Variants in AOPEP observed in about 807,000 individuals in gnomAD.
AOPEP encodes aminopeptidase O (putative).
AOPEP carries 77 observed loss-of-function variants against 98.1 expected under a neutral mutation model. That is an observed-to-expected ratio of 0.78 (90% CI 0.65 to 0.95). The LOEUF (loss-of-function observed/expected upper bound fraction) is 0.95. AOPEP is among the 40% of genes least tolerant of loss of function. AOPEP has a pLI of 0.00. For missense variants in AOPEP, 1,024 were observed against 1,024.7 expected (o/e 1.00, Z 0.01); for synonymous variants, 346 against 365.3 (o/e 0.95, Z 0.60).
At chr9:94,847,944 G>A (rs185484009) in intron 5 of AOPEP, among the ~76,000 whole-genome samples, 1 of 152,246 alleles carries the variant, frequency 6.6e-6, no homozygotes, top group African/African-American at 2.4e-5. Flanking sequence ...AGAAATCTTG[G>A]CGATAAACCA....
chr9:94,888,294 C>CATGT (rs369464833), intron 5 of AOPEP, among the ~76,000 whole-genome samples: 1 of 137,590 alleles, frequency 7.3e-6, no homozygotes, highest in African/African-American at 2.7e-5. Flanking sequence ...AGAACCTTAC[C>CATGT]GTGTGTGTGT....
At chr9:95,140,242 G>A in the AOPEP span, among the ~76,000 whole-genome samples, 1 of 152,052 alleles carries the variant, frequency 6.6e-6, no homozygotes, top group African/African-American at 2.4e-5. Flanking sequence ...GATTTACAGT[G>A]ACAGCGTCTG....
At chr9:95,105,448 TAAAA>T in the AOPEP span, among the ~76,000 whole-genome samples, 2 of 152,194 alleles carry the variant, frequency 1.3e-5, no homozygotes, top group Non-Finnish European at 2.9e-5. Flanking sequence ...ACAAATAAAA[TAAAA>T]AATAAAACAA....
At chr9:95,042,971 G>A (rs2065466513) in intron 13 of AOPEP, among the ~76,000 whole-genome samples, 1 of 152,106 alleles carries the variant, frequency 6.6e-6, no homozygotes, top group African/African-American at 2.4e-5. Flanking sequence ...ACAGAGTGTA[G>A]TATTAGGTAG....
At chr9:95,134,922 A>T in the AOPEP span, among the ~76,000 whole-genome samples, 2 of 152,028 alleles carry the variant, frequency 1.3e-5, no homozygotes, top group Non-Finnish European at 2.9e-5. Flanking sequence ...TGCTTTAACC[A>T]TTTTTCTGGG....
chr9:94,832,398 C>A (rs887450009), intron 5 of AOPEP, among the ~76,000 whole-genome samples: 2 of 152,166 alleles, frequency 1.3e-5, no homozygotes, highest in Non-Finnish European at 2.9e-5. Context: ...TGGCAGACAT[C>A]CAAGAGTTTG....
At chr9:94,748,872 A>G (rs1835087679) in intron 1 of AOPEP, among the ~76,000 whole-genome samples, 1 of 152,338 alleles carries the variant, frequency 6.6e-6, no homozygotes, top group African/African-American at 2.4e-5. Flanking sequence ...GAGGATAATG[A>G]TAACAATATG....
chr9:94,926,738 G>A (rs1459918117), intron 6 of AOPEP, among the ~76,000 whole-genome samples: 8 of 151,472 alleles, frequency 5.3e-5, no homozygotes, highest in Admixed American at 6.6e-5. Flanking sequence ...GGTCACCGGG[G>A]TCACTTTGCT....
chr9:95,116,206 G>A, the AOPEP span, among the ~76,000 whole-genome samples: 49 of 152,330 alleles, frequency 3.2e-4, no homozygotes, highest in Non-Finnish European at 5.9e-4. Context: ...CTCACTCAGC[G>A]TCCCCTGTTG....
At chr9:94,851,211 G>T (rs572108481) in intron 5 of AOPEP, among the ~76,000 whole-genome samples, 1 of 152,216 alleles carries the variant, frequency 6.6e-6, no homozygotes, top group African/African-American at 2.4e-5. Context: ...CATTTGGAGC[G>T]TCCTTGCAGG....
chr9:94,918,490 G>A (rs747324023), intron 5 of AOPEP, among the ~76,000 whole-genome samples: 3 of 152,100 alleles, frequency 2.0e-5, no homozygotes, highest in Non-Finnish European at 2.9e-5. Flanking sequence ...ACAGAGGGAC[G>A]GGAGCCCAGA....
intron 13 of AOPEP, among the ~76,000 whole-genome samples, chr9:95,041,008 A>T (rs1243560329): frequency 6.6e-6 from 1 of 151,590 alleles, no homozygotes; most frequent in Non-Finnish European, 1.5e-5. Context: ...AGAAAATACC[A>T]TAATCAGGGA....
chr9:94,844,627 C>G (rs2042639687), intron 5 of AOPEP, among the ~76,000 whole-genome samples: 1 of 152,202 alleles, frequency 6.6e-6, no homozygotes, highest in African/African-American at 2.4e-5. Flanking sequence ...TACCCACTGA[C>G]CAACCTTTCC....
chr9:95,085,829 T>G, intron 16 of AOPEP: 10 of 1,076,356 alleles, frequency 9.3e-6, no homozygotes, highest in African/African-American at 1.7e-5. Flanking sequence ...CTAAGTCGTG[T>G]GAAATCATGT....
chr9:95,031,232 A>G (rs1323960977), intron 13 of AOPEP, among the ~76,000 whole-genome samples: 2 of 152,250 alleles, frequency 1.3e-5, no homozygotes, highest in African/African-American at 2.4e-5. Flanking sequence ...TTGGCAGTTA[A>G]TAGATTTCTC....
intron 13 of AOPEP, among the ~76,000 whole-genome samples, chr9:95,054,019 C>T (rs1339145232): frequency 6.6e-6 from 1 of 151,966 alleles, no homozygotes. Context: ...GTGGCAAAAG[C>T]ATTAATTCTA....
chr9:95,066,691 C>T (rs1027428518), intron 14 of AOPEP, among the ~76,000 whole-genome samples: 5 of 152,102 alleles, frequency 3.3e-5, no homozygotes, highest in African/African-American at 9.7e-5. Context: ...CTCCATAGGG[C>T]GCTCTCCAGT....
At chr9:94,824,661 T>G (rs1406133179) in intron 5 of AOPEP, 8 of 152,184 alleles carry the variant, frequency 5.3e-5, no homozygotes, top group Admixed American at 5.2e-4. Flanking sequence ...GTTTCATTAT[T>G]TGCAGAGCAA....
chr9:95,134,657 G>A, the AOPEP span, among the ~76,000 whole-genome samples: 1 of 152,234 alleles, frequency 6.6e-6, no homozygotes, highest in Non-Finnish European at 1.5e-5. Context: ...CTTTATTCCT[G>A]TCCTTACAAA....
Sources: allele counts gnomAD v4.1 joint callset (sites outside exome capture counted in the v4.1 genomes callset), GRCh38; gene constraint gnomAD v4.1.1; transcripts MANE v1.5; gene names NCBI Gene and HGNC (gene_info 2026-07-23, HGNC 2026-07-21).